Variants in MMD2 observed in about 807,000 individuals in gnomAD.
The protein encoded by MMD2 is monocyte to macrophage differentiation associated 2.
A neutral mutation model predicts 33.5 loss-of-function variants in MMD2; 30 were observed. The observed-to-expected ratio is 0.90, with a 90% CI of 0.67 to 1.22. The LOEUF is 1.22. MMD2 is among the 50% of genes most tolerant of loss of function. The probability of loss-of-function intolerance (pLI) is 0.00; values close to 1 mark genes in which losing one functional copy is unlikely to be tolerated. For missense variants in MMD2, 364 were observed against 325.4 expected (o/e 1.12, Z -0.91); for synonymous variants, 129 against 123.0 (o/e 1.05, Z -0.32).
In MMD2 at chr7:4,946,065, ACACT is replaced by A. The variant is rs775497834; in HGVS notation, c.47+12902_47+12905del. The stretch of plus-strand genomic sequence containing the variant: ...TACACCTCTCTGGGGCAAAATGCAC[ACACT>A]CACACGCACGCACACGCACGCACAC... On this transcript the variant is annotated intron_variant, in intron 1 of 6. Transcript: ENST00000401401. The surrounding 1 kb of genome is among the most constrained non-coding windows in gnomAD (Gnocchi z 5.0). Among the ~76,000 whole-genome samples, 1 of 152,020 alleles carries A rather than the reference ACACT, an allele frequency of 6.6e-6. No homozygotes were observed. Among genetic ancestry groups the A allele is most frequent in the African/African-American group, 2.4e-5 (1 of 41,452 alleles).
At chr7:4,953,280 C>A (rs1383590582) in intron 1 of MMD2, among the ~76,000 whole-genome samples, 4 of 151,686 alleles carry the variant, frequency 2.6e-5, no homozygotes, top group Non-Finnish European at 4.4e-5. Context: ...GTCAGCACCG[C>A]CTGGCTACTT....
Position 4,906,307 on chromosome 7 carries a change from T to G in MMD2, c.*1089A>C, listed in dbSNP as rs1488094437. On this transcript the variant is annotated 3_prime_UTR_variant, in exon 7 of 7. Coordinates refer to ENST00000401401, the MANE Select transcript of MMD2 (RefSeq NM_198403.4). ...AAGAACAGGCCCCCAGCAGCCTTGTTGTTGGGCTACTGAGCACTTCAGAGG... is the reference window on the plus strand; with the variant it reads ...AAGAACAGGCCCCCAGCAGCCTTGTGGTTGGGCTACTGAGCACTTCAGAGG... 1.8e-5 allele frequency: 7 copies of G among 393,700 alleles called. No homozygotes were observed. The East Asian group carries it at 2.5e-4, about 14-fold the overall frequency. 24.4% of individuals were successfully genotyped at this position (393,700 alleles called of 1,614,324 possible). A position where few individuals can be genotyped will look rare whatever the true frequency, so the allele number is the denominator to read the frequency against.
At chr7:4,934,616 T>G (rs1476208455) in intron 1 of MMD2, among the ~76,000 whole-genome samples, 1 of 152,200 alleles carries the variant, frequency 6.6e-6, no homozygotes, top group Non-Finnish European at 1.5e-5. Context: ...CAACCCTTAC[T>G]GCTTACATGA....
At chr7:4,933,472 T>C (rs1785649112) in intron 1 of MMD2, among the ~76,000 whole-genome samples, 1 of 152,118 alleles carries the variant, frequency 6.6e-6, no homozygotes, top group African/African-American at 2.4e-5. Flanking sequence ...TCCATCCCTG[T>C]CTTTGCTCCT....
chr7:4,899,253 C>T, the MMD2 span, among the ~76,000 whole-genome samples: 2 of 152,132 alleles, frequency 1.3e-5, no homozygotes, highest in African/African-American at 2.4e-5. Context: ...TTATAATCCA[C>T]CCAGTCTATG....
At chr7:4,951,202 T>A (rs1198123488) in intron 1 of MMD2, among the ~76,000 whole-genome samples, 1 of 152,070 alleles carries the variant, frequency 6.6e-6, no homozygotes, top group Non-Finnish European at 1.5e-5. Context: ...ACTCCCTTGA[T>A]AACTATGATG....
chr7:4,914,759 C>T (rs1340917449), intron 4 of MMD2, among the ~76,000 whole-genome samples: 5 of 152,032 alleles, frequency 3.3e-5, no homozygotes, highest in Non-Finnish European at 7.4e-5. Context: ...GGTGAAACCC[C>T]ATCTCTACTA....
intron 2 of MMD2, among the ~76,000 whole-genome samples, chr7:4,921,678 C>G (rs1478362390): frequency 6.6e-6 from 1 of 151,762 alleles, no homozygotes; most frequent in Non-Finnish European, 1.5e-5. Context: ...CGTGTGCATC[C>G]TCCAGGACTC....
At chr7:4,904,661 T>C (rs1206959536), downstream of MMD2, among the ~76,000 whole-genome samples, 1 of 152,218 alleles carries the variant, frequency 6.6e-6, no homozygotes, top group African/African-American at 2.4e-5. Context: ...GTGCATTTGT[T>C]ATCCTGCTGC....
intron 1 of MMD2, among the ~76,000 whole-genome samples, chr7:4,931,603 T>C (rs973126650): frequency 4.0e-5 from 6 of 151,850 alleles, no homozygotes; most frequent in Admixed American, 3.3e-4. Flanking sequence ...TAATACTTTT[T>C]AATTTTTGTA....
intron 1 of MMD2, among the ~76,000 whole-genome samples, chr7:4,952,450 C>A (rs1036889612): frequency 6.6e-6 from 1 of 152,196 alleles, no homozygotes; most frequent in Non-Finnish European, 1.5e-5. Flanking sequence ...CCTGCTGGTG[C>A]TGAAAGAACA....
the MMD2 span, among the ~76,000 whole-genome samples, chr7:4,892,620 C>A: frequency 9.3e-6 from 1 of 108,020 alleles, no homozygotes; most frequent in African/African-American, 4.1e-5. Context: ...ATAAATAAAT[C>A]TGAAAAAATT....
intron 2 of MMD2, among the ~76,000 whole-genome samples, chr7:4,921,439 T>A (rs111383531): frequency 2.0e-4 from 30 of 151,678 alleles, no homozygotes; most frequent in African/African-American, 6.3e-4. Context: ...GCCAATATGG[T>A]GAAACCCCGT....
chr7:4,907,389 G>A lies in MMD2; in HGVS notation c.*7C>T, dbSNP rs775318973. The stretch of plus-strand genomic sequence containing the variant: ...AAGCCCAAACGACCTCTCAAGTCTG[G>A]GTCACCTCATTTGGACACCTTGGTC... On this transcript the variant is annotated 3_prime_UTR_variant, in exon 7 of 7. Transcript: ENST00000401401. 4 of 1,613,284 alleles carry A rather than the reference G, an allele frequency of 2.5e-6. No individual in the cohort carries two copies. Among genetic ancestry groups the A allele is most frequent in the African/African-American group, 1.3e-5 (1 of 74,888 alleles).
intron 2 of MMD2, among the ~76,000 whole-genome samples, chr7:4,921,952 C>G (rs547772879): frequency 6.6e-6 from 1 of 152,122 alleles, no homozygotes; most frequent in Non-Finnish European, 1.5e-5. Flanking sequence ...TGGCCGGGTG[C>G]GGTGGCTCAC....
chr7:4,927,599 T>G (rs1331588730), intron 1 of MMD2, among the ~76,000 whole-genome samples: 1 of 151,998 alleles, frequency 6.6e-6, no homozygotes, highest in Non-Finnish European at 1.5e-5. Context: ...CGCAGCTACT[T>G]GGGAGGCTGA....
At chr7:4,921,519 G>C (rs1038511404) in intron 2 of MMD2, among the ~76,000 whole-genome samples, 1 of 151,648 alleles carries the variant, frequency 6.6e-6, no homozygotes, top group Non-Finnish European at 1.5e-5. Context: ...TACTCAGGAG[G>C]CTGAGGCAGG....
rs748465169 is a variant in MMD2 at position 4,907,355 on chromosome 7, C to G, written c.*41G>C. On this transcript the variant is annotated 3_prime_UTR_variant, in exon 7 of 7. Transcript: ENST00000401401. ...GGGTTAACGTTCACAGAAACGTGCT[C>G]CACTCCTAAAGCCCAAACGACCTCT... is the stretch of plus-strand genomic sequence containing the variant. The G allele has an allele frequency of 1.9e-6, 3 of 1,598,522 alleles. No individual in the cohort carries two copies. Among genetic ancestry groups the G allele is most frequent in the Non-Finnish European group, 2.6e-6 (3 of 1,167,444 alleles).
At chr7:4,919,244 AG>A (rs1247521221) in intron 3 of MMD2, among the ~76,000 whole-genome samples, 7 of 152,330 alleles carry the variant, frequency 4.6e-5, no homozygotes, top group Non-Finnish European at 7.3e-5. Context: ...CCCTGCAGCC[AG>A]CAAGGGCTTT....
Sources: allele counts gnomAD v4.1 joint callset (sites outside exome capture counted in the v4.1 genomes callset), GRCh38; gene constraint gnomAD v4.1.1; non-coding constraint Gnocchi (gnomAD v3.1); transcripts MANE v1.5; gene names NCBI Gene and HGNC (gene_info 2026-07-23, HGNC 2026-07-21).